The following VPS13A variants were observed in gnomAD, a reference collection of about 807,000 sequenced individuals.
VPS13A encodes intermembrane lipid transfer protein VPS13A.
A neutral mutation model predicts 390.9 loss-of-function variants in VPS13A; 264 were observed. The observed-to-expected ratio is 0.68, with a 90% CI of 0.61 to 0.75. The LOEUF (loss-of-function observed/expected upper bound fraction) is 0.75. Among genes scored for constraint, VPS13A ranks in the 30% least tolerant of loss-of-function variants. The pLI, the probability that VPS13A is intolerant of heterozygous loss-of-function variation, is 0.00. For synonymous variants in VPS13A, 1,231 were observed against 1,227.1 expected (o/e 1.00, Z -0.07); for missense variants, 3,409 against 3,733.9 (o/e 0.91, Z 2.27).
intron 39 of VPS13A, 132 bp downstream of exon 39, chr9:77,316,538 G>C: frequency 1.4e-6 from 1 of 709,464 alleles, no homozygotes; most frequent in Non-Finnish European, 2.4e-6. Context: ...TGCTTAGAGA[G>C]CTTAATTTAG....
intron 71 of VPS13A, among the ~76,000 whole-genome samples, chr9:77,410,030 A>T (rs1834841551): frequency 6.6e-6 from 1 of 151,966 alleles, no homozygotes; most frequent in Admixed American, 6.5e-5. Flanking sequence ...AAAAAATGTT[A>T]AGGGCAGCCA....
rs189560012 is a variant in VPS13A at position 77,203,760 on chromosome 9, C to T, written c.188-1553C>T. Among the ~76,000 whole-genome samples the T allele has an allele frequency of 1.8e-3, 279 of 152,076 alleles. 1 individual carries two copies. Among genetic ancestry groups the T allele is most frequent in the African/African-American group, 6.2e-3 (257 of 41,494 alleles). ...TTGGTACATTTATAAATAAATTAAC[C>T]GTGTCAAATTTGTTACAGTTTTTTC... is the stretch of plus-strand genomic sequence containing the variant. On this transcript the variant is annotated intron_variant, in intron 3 of 71. Coordinates refer to ENST00000360280, the MANE Select transcript of VPS13A (RefSeq NM_033305.3).
intron 34 of VPS13A, among the ~76,000 whole-genome samples, chr9:77,304,368 A>G (rs576770638): frequency 6.6e-6 from 1 of 152,292 alleles, no homozygotes; most frequent in East Asian, 1.9e-4. Context: ...TTTAAAGTAC[A>G]GGTCTTTTTC....
chr9:77,219,990 T>G lies in VPS13A; in HGVS notation c.791T>G (p.Met264Arg). 6.2e-7 allele frequency: 1 copy of G among 1,613,682 alleles called. No individual in the cohort carries two copies. The highest frequency in any genetic ancestry group is 8.5e-7 in the Non-Finnish European group (1 of 1,179,708). Residue 264 changes from methionine to arginine, a missense_variant, in exon 11 of 72, where the codon ATG (methionine) becomes AGG (arginine). Met to Arg is a moderately conservative substitution (Grantham distance 91). Transcript: ENST00000360280. ...RPISANAKLV[M>R]NRRSDFDFSA... The stretch of plus-strand genomic sequence containing the variant: ...ATATCTGCTAATGCCAAACTTGTGA[T>G]GAATCGCCGATCTGATTTTGACTTT...
intron 67 of VPS13A, among the ~76,000 whole-genome samples, chr9:77,377,377 G>A (rs563292080): frequency 5.9e-5 from 9 of 151,344 alleles, no homozygotes; most frequent in Admixed American, 1.3e-4. Flanking sequence ...CCGCCACCGC[G>A]CCCGGCTAAT....
At chr9:77,248,579 G>A (rs929559347) in intron 20 of VPS13A, among the ~76,000 whole-genome samples, 2 of 151,298 alleles carry the variant, frequency 1.3e-5, no homozygotes, top group Non-Finnish European at 2.9e-5. Flanking sequence ...CATTTTTTTG[G>A]CGGTATTCTA....
chr9:77,340,108 A>G, intron 48 of VPS13A, 70 bp from the exon 49 acceptor site: 1 of 1,459,196 alleles, frequency 6.9e-7, no homozygotes, highest in Non-Finnish European at 9.6e-7. Flanking sequence ...CTAAAAAGTA[A>G]TTTATCAGTT....
intron 68 of VPS13A, among the ~76,000 whole-genome samples, chr9:77,401,404 T>TATTA (rs1430409009): frequency 7.9e-5 from 12 of 151,828 alleles, no homozygotes; most frequent in African/African-American, 2.9e-4. Flanking sequence ...ATAACATCTT[T>TATTA]ATTATGATAA....
At chr9:77,303,706 T>C (rs953215996) in intron 34 of VPS13A, among the ~76,000 whole-genome samples, 2 of 152,128 alleles carry the variant, frequency 1.3e-5, no homozygotes, top group Non-Finnish European at 2.9e-5. Context: ...AGAATCTATG[T>C]CATAATTAAG....
At position 77,337,434 on chromosome 9, in the gene VPS13A, C is replaced by T; in HGVS notation, c.6275C>T (p.Ser2092Leu). 1.2e-6 allele frequency: 2 copies of T among 1,612,854 alleles called. No individual in the cohort carries two copies. The highest frequency in any genetic ancestry group is 1.7e-6 in the Non-Finnish European group (2 of 1,179,062). Residue 2092 changes from serine to leucine, a missense_variant, in exon 47 of 72, where the codon TCA becomes TTA. By Grantham distance (145) the Ser-to-Leu change is moderately radical. Transcript: ENST00000360280. ...VPEKDNLTSL[S>L]VYSEDGWDLP... ...GAAAAAGATAATTTAACATCTCTAT[C>T]AGTGTATTCAGAAGATGGTTGGGAT...
At chr9:77,298,124 A>G (rs1828122218) in intron 33 of VPS13A, among the ~76,000 whole-genome samples, 1 of 152,206 alleles carries the variant, frequency 6.6e-6, no homozygotes, top group Non-Finnish European at 1.5e-5. Context: ...ACCCAGTAGA[A>G]TAGAGATAGT....
intron 68 of VPS13A, among the ~76,000 whole-genome samples, chr9:77,383,965 G>T (rs867184060): frequency 0.068 from 8,563 of 126,472 alleles, 355 homozygotes; most frequent in South Asian, 0.15. Context: ...GGTGGGTTTT[G>T]TTTTTTTTTT....
chr9:77,234,921 G>A (rs62573188), intron 17 of VPS13A, among the ~76,000 whole-genome samples: 15,490 of 152,064 alleles, frequency 0.1, 815 homozygotes, highest in Middle Eastern at 0.13. Context: ...AACTTTAATA[G>A]TGTATAAAAA....
chr9:77,415,521 A>G (rs1835136275), intron 71 of VPS13A, among the ~76,000 whole-genome samples: 1 of 152,212 alleles, frequency 6.6e-6, no homozygotes, highest in Admixed American at 6.5e-5. Context: ...ATTTTAGAAT[A>G]GAAAATATAT....
rs560877476 is a variant in VPS13A at position 77,219,846 on chromosome 9, G to A, written c.755-108G>A. On this transcript the variant is annotated intron_variant, in intron 10 of 71. Transcript: ENST00000360280. ...GCAGTGTGAACATCTGGGAACTGTAGAAGGGGTATAAAATAAATGGAAATC... is the reference window on the plus strand; with the variant it reads ...GCAGTGTGAACATCTGGGAACTGTAAAAGGGGTATAAAATAAATGGAAATC... 328 of 1,149,842 alleles carry A rather than the reference G, an allele frequency of 2.9e-4. 5 individuals are homozygous for A. In the South Asian group the frequency reaches 3.7e-3, roughly 13 times the overall value. The allele number at this position is 1,149,842 out of a possible 1,614,324, so 71.2% of individuals were successfully genotyped here. A position where few individuals can be genotyped will look rare whatever the true frequency, so the allele number is the denominator to read the frequency against.
At chr9:77,368,982 A>T (rs1456121166) in intron 62 of VPS13A, among the ~76,000 whole-genome samples, 1 of 152,090 alleles carries the variant, frequency 6.6e-6, no homozygotes, top group East Asian at 1.9e-4. Flanking sequence ...AAAATCACAA[A>T]AATTAGCCAG....
At chr9:77,260,647 G>C (rs1051017894) in intron 23 of VPS13A, among the ~76,000 whole-genome samples, 5 of 151,958 alleles carry the variant, frequency 3.3e-5, no homozygotes, top group Non-Finnish European at 5.9e-5. Context: ...GAGCCACCAC[G>C]CCCAGCCAGA....
chr9:77,382,483 G>T, intron 68 of VPS13A: 1 of 1,324,176 alleles, frequency 7.6e-7, no homozygotes, highest in East Asian at 3.1e-5. Context: ...CACTGGATTT[G>T]CTAGATTTGT....
chr9:77,227,202 A>T (rs1432718305), intron 15 of VPS13A, among the ~76,000 whole-genome samples, 189 bp from the exon 16 acceptor site: 2 of 152,206 alleles, frequency 1.3e-5, no homozygotes, highest in African/African-American at 4.8e-5. Context: ...CTAAACTTAC[A>T]TATTTAGCAA....
Sources: allele counts gnomAD v4.1 joint callset (sites outside exome capture counted in the v4.1 genomes callset), GRCh38; gene constraint gnomAD v4.1.1; transcripts MANE v1.5; gene names NCBI Gene and HGNC (gene_info 2026-07-23, HGNC 2026-07-21).